The following KIAA0825 variants were observed in gnomAD, a reference collection of about 807,000 sequenced individuals.
KIAA0825 encodes the protein uncharacterized protein KIAA0825.
KIAA0825 carries 119 observed loss-of-function variants against 147.6 expected under a neutral mutation model. The observed-to-expected ratio is 0.81, with a 90% confidence interval of 0.69 to 0.94. The LOEUF is 0.94. Ranked by LOEUF, KIAA0825 falls within the 40% of genes least tolerant of loss-of-function variation. The probability of loss-of-function intolerance (pLI) is 0.00; values close to 1 mark genes in which losing one functional copy is unlikely to be tolerated. For synonymous variants in KIAA0825, 470 were observed against 518.1 expected (o/e 0.91, Z 1.26); for missense variants, 1,381 against 1,472.7 (o/e 0.94, Z 1.02).
chr5:94,603,848 A>G (rs1180960722), intron 1 of KIAA0825, among the ~76,000 whole-genome samples: 1 of 152,248 alleles, frequency 6.6e-6, no homozygotes. Flanking sequence ...ACATAATGGT[A>G]AAGGGTTCGA....
Position 94,296,921 on chromosome 5 carries a change from C to T in KIAA0825, c.3710+87447G>A, listed in dbSNP as rs897160962. On this transcript the variant is annotated intron_variant, in intron 20 of 20. Transcript: ENST00000682413. ...TGGTCTGTATTTTACTATCACCATA[C>T]ACTGGTAATACTAAATAATGTCAGT... Among the ~76,000 whole-genome samples the T allele has an allele frequency of 3.9e-5, 6 of 152,296 alleles. No individual in the cohort carries two copies. The South Asian group carries it at 1.2e-3, about 32-fold the overall frequency.
intron 20 of KIAA0825, among the ~76,000 whole-genome samples, chr5:94,259,848 ATT>A (rs999878260): frequency 1.3e-5 from 2 of 151,878 alleles, no homozygotes; most frequent in African/African-American, 4.8e-5. Context: ...CATTGCTAAT[ATT>A]TTTATATTTA....
chr5:94,490,226 A>G (rs1356719527), intron 5 of KIAA0825, among the ~76,000 whole-genome samples: 1 of 152,218 alleles, frequency 6.6e-6, no homozygotes, highest in Non-Finnish European at 1.5e-5. Flanking sequence ...AATCTCATAC[A>G]AAGTAGGTAC....
chr5:94,493,948 C>T lies in KIAA0825; in HGVS notation c.971-9018G>A, dbSNP rs189627377. Among the ~76,000 whole-genome samples the T allele has an allele frequency of 3.9e-5, 6 of 152,258 alleles. No individual in the cohort carries two copies. The South Asian group carries it at 6.2e-4, about 16-fold the overall frequency. On this transcript the variant is annotated intron_variant, in intron 5 of 20. Coordinates refer to ENST00000682413, the MANE Select transcript of KIAA0825 (RefSeq NM_001145678.3). ...TTCCTCCCAACCCACTGAAAGGCCC[C>T]ACGTGACAGGGAGGTTTTCTATTTC...
At position 94,419,376 on chromosome 5, in the gene KIAA0825, C is replaced by G. The variant is rs1336065272; in HGVS notation, c.2498-2011G>C. Among the ~76,000 whole-genome samples, 2 of 152,304 alleles carry G rather than the reference C, an allele frequency of 1.3e-5. 1 individual carries two copies. The highest frequency in any genetic ancestry group is 4.1e-4 in the South Asian group (2 of 4,828). On this transcript the variant is annotated intron_variant, in intron 14 of 20. Transcript: ENST00000682413. The stretch of plus-strand genomic sequence containing the variant: ...TCCAATTCATCTTACATAAAATTAT[C>G]CATTATCCTCATGTCCTTCCTTGTT...
chr5:94,430,219 G>A (rs1380653779), intron 14 of KIAA0825, among the ~76,000 whole-genome samples: 1 of 152,158 alleles, frequency 6.6e-6, no homozygotes, highest in Non-Finnish European at 1.5e-5. Flanking sequence ...GTGATCTGGT[G>A]CTCTGAATGT....
At chr5:94,192,626 A>T (rs1182066874) in intron 20 of KIAA0825, among the ~76,000 whole-genome samples, 1 of 152,026 alleles carries the variant, frequency 6.6e-6, no homozygotes, top group African/African-American at 2.4e-5. Context: ...TTTTTTTTTA[A>T]CTACCCTTAC....
intron 2 of KIAA0825, among the ~76,000 whole-genome samples, chr5:94,558,446 C>T (rs1214832577): frequency 2.0e-5 from 3 of 152,226 alleles, no homozygotes; most frequent in Non-Finnish European, 4.4e-5. Context: ...AGTTTTTGCT[C>T]TTCCCTGATT....
chr5:94,337,239 T>C (rs1781902052), intron 20 of KIAA0825, among the ~76,000 whole-genome samples: 1 of 152,230 alleles, frequency 6.6e-6, no homozygotes, highest in South Asian at 2.1e-4. Context: ...TTATGGTATA[T>C]AAATTATACC....
chr5:94,350,237 G>A (rs1452842668), intron 20 of KIAA0825, among the ~76,000 whole-genome samples: 6 of 152,190 alleles, frequency 3.9e-5, no homozygotes, highest in African/African-American at 1.4e-4. Flanking sequence ...CAGGAAGAAT[G>A]AGATACTCTG....
At chr5:94,363,527 T>C (rs13154972) in intron 20 of KIAA0825, among the ~76,000 whole-genome samples, 32,643 of 152,082 alleles carry the variant, frequency 0.21, 5,109 homozygotes, top group African/African-American at 0.45. Flanking sequence ...TTTTACTTTA[T>C]ACAACATCCG....
chr5:94,411,062 T>C (rs1034016191), intron 15 of KIAA0825, among the ~76,000 whole-genome samples: 2 of 151,998 alleles, frequency 1.3e-5, no homozygotes, highest in African/African-American at 4.8e-5. Context: ...ATGACAACAA[T>C]AGAATAAAGG....
intron 20 of KIAA0825, among the ~76,000 whole-genome samples, chr5:94,383,207 T>C (rs943848573): frequency 2.0e-5 from 3 of 152,176 alleles, no homozygotes; most frequent in Non-Finnish European, 4.4e-5. Flanking sequence ...CCTTGATCAG[T>C]AAGCTTCTGG....
At chr5:94,600,176 T>A (rs775853169) in intron 1 of KIAA0825, among the ~76,000 whole-genome samples, 1 of 152,118 alleles carries the variant, frequency 6.6e-6, no homozygotes, top group Non-Finnish European at 1.5e-5. Flanking sequence ...TGGGGAAGTA[T>A]TGCCACTTCA....
At chr5:94,524,448 T>C (rs565716576) in intron 3 of KIAA0825, among the ~76,000 whole-genome samples, 1 of 151,784 alleles carries the variant, frequency 6.6e-6, no homozygotes, top group African/African-American at 2.4e-5. Flanking sequence ...CTGTAAATAT[T>C]AGAAATATAC....
intron 20 of KIAA0825, among the ~76,000 whole-genome samples, chr5:94,336,346 G>A (rs1440237470): frequency 2.0e-5 from 3 of 151,376 alleles, no homozygotes; most frequent in African/African-American, 7.3e-5. Context: ...ATGCCATGGT[G>A]GTTTGCTGCA....
chr5:94,469,638 T>A (rs1488731107), intron 10 of KIAA0825, among the ~76,000 whole-genome samples: 1 of 152,136 alleles, frequency 6.6e-6, no homozygotes, highest in Non-Finnish European at 1.5e-5. Flanking sequence ...TTGGAAAAAA[T>A]GCAAGGTTGT....
intron 1 of KIAA0825, among the ~76,000 whole-genome samples, chr5:94,605,560 A>G (rs1352864931): frequency 6.6e-6 from 1 of 152,200 alleles, no homozygotes; most frequent in Non-Finnish European, 1.5e-5. Flanking sequence ...CAAAAAGCTT[A>G]TGAAACCTGA....
chr5:94,233,158 A>G (rs1774834970), intron 20 of KIAA0825, among the ~76,000 whole-genome samples: 1 of 152,212 alleles, frequency 6.6e-6, no homozygotes, highest in Non-Finnish European at 1.5e-5. Flanking sequence ...AAAAATAGAG[A>G]ATCTACAAAT....
Sources: allele counts gnomAD v4.1 joint callset (sites outside exome capture counted in the v4.1 genomes callset), GRCh38; gene constraint gnomAD v4.1.1; transcripts MANE v1.5; gene names NCBI Gene and HGNC (gene_info 2026-07-23, HGNC 2026-07-21).